Variants in LPAR1 observed in about 807,000 individuals in gnomAD.
LPAR1 encodes lysophosphatidic acid receptor 1, also known as LPA receptor 1.
In LPAR1, 5 loss-of-function variants were observed where a neutral mutation model predicts 23.8. That is an observed-to-expected ratio of 0.21 (90% CI 0.11 to 0.44). LPAR1 has a LOEUF of 0.44. Ranked by LOEUF, LPAR1 falls within the 20% of genes least tolerant of loss-of-function variation. LPAR1 has a pLI of 0.99. For synonymous variants in LPAR1, 160 were observed against 164.7 expected, an observed-to-expected ratio of 0.97 and a Z score of 0.22; for missense variants, 311 against 482.8, an observed-to-expected ratio of 0.64 and a Z score of 3.33.
intron 3 of LPAR1, among the ~76,000 whole-genome samples, chr9:110,972,790 T>C (rs1053754315): frequency 1.3e-5 from 2 of 151,878 alleles, no homozygotes; most frequent in Non-Finnish European, 2.9e-5. Flanking sequence ...CTACTAAAAA[T>C]ACAAAAATTA....
At chr9:111,031,470 G>A (rs559906978) in intron 2 of LPAR1, among the ~76,000 whole-genome samples, 2 of 151,512 alleles carry the variant, frequency 1.3e-5, no homozygotes, top group South Asian at 4.2e-4. Context: ...AAATAGCCAG[G>A]CATAGCGGCA....
Position 110,971,074 on chromosome 9 carries a change from G to A in LPAR1, c.45+999C>T, listed in dbSNP as rs982068393. ...CGCTTGAACCCAGGAGGTGGAGATT[G>A]CAGTGAACCAAGATCATGCCACTAC... On this transcript the variant is annotated intron_variant, in intron 4 of 5. Transcript: ENST00000683809. Among the ~76,000 whole-genome samples, 70 of 152,294 alleles carry A rather than the reference G, an allele frequency of 4.6e-4. 1 individual carries two copies. Among genetic ancestry groups the A allele is most frequent in the African/African-American group, 1.6e-3 (65 of 41,576 alleles).
intron 5 of LPAR1, among the ~76,000 whole-genome samples, chr9:110,913,207 A>G (rs868852746): frequency 2.6e-5 from 4 of 152,196 alleles, no homozygotes; most frequent in Non-Finnish European, 4.4e-5. Context: ...CTAGCTATGT[A>G]TCTACGTAGA....
chr9:110,977,303 T>C (rs983329865), intron 2 of LPAR1, among the ~76,000 whole-genome samples: 1 of 152,162 alleles, frequency 6.6e-6, no homozygotes, highest in Non-Finnish European at 1.5e-5. Flanking sequence ...AAGTAACCTC[T>C]GGCTGCATTT....
At chr9:110,961,850 C>T (rs899269120) in intron 4 of LPAR1, among the ~76,000 whole-genome samples, 1 of 152,014 alleles carries the variant, frequency 6.6e-6, no homozygotes, top group Non-Finnish European at 1.5e-5. Context: ...AACCCACCCC[C>T]GTGATTCAAT....
intron 2 of LPAR1, among the ~76,000 whole-genome samples, chr9:111,031,481 C>A (rs1249173750): frequency 6.6e-6 from 1 of 151,256 alleles, no homozygotes; most frequent in Non-Finnish European, 1.5e-5. Flanking sequence ...CATAGCGGCA[C>A]ACACCTGCGG....
At chr9:110,930,863 C>T (rs894116586) in intron 5 of LPAR1, among the ~76,000 whole-genome samples, 13 of 151,770 alleles carry the variant, frequency 8.6e-5, no homozygotes, top group Non-Finnish European at 1.5e-4. Flanking sequence ...TGCGGTGAAC[C>T]GAGATCACGC....
At chr9:110,936,170 C>G (rs2094694973) in intron 5 of LPAR1, among the ~76,000 whole-genome samples, 1 of 152,190 alleles carries the variant, frequency 6.6e-6, no homozygotes, top group Non-Finnish European at 1.5e-5. Context: ...CTTTTTTAGT[C>G]TCCTCTACTA....
chr9:110,976,490 G>A (rs2096558315), intron 2 of LPAR1, among the ~76,000 whole-genome samples: 1 of 152,146 alleles, frequency 6.6e-6, no homozygotes, highest in Non-Finnish European at 1.5e-5. Context: ...GGGCAACAGA[G>A]TGAGACTAAG....
intron 5 of LPAR1, among the ~76,000 whole-genome samples, chr9:110,927,114 T>C (rs1373849787): frequency 6.6e-6 from 1 of 152,218 alleles, no homozygotes. Flanking sequence ...AAAGAAGTTG[T>C]CGTAAAGGTT....
intron 2 of LPAR1, among the ~76,000 whole-genome samples, chr9:111,033,217 C>T (rs2097834262): frequency 6.6e-6 from 1 of 152,118 alleles, no homozygotes; most frequent in Non-Finnish European, 1.5e-5. Context: ...CAGGGACATG[C>T]AAGTATTAAG....
chr9:110,930,660 G>A (rs2094349073), intron 5 of LPAR1, among the ~76,000 whole-genome samples: 1 of 151,576 alleles, frequency 6.6e-6, no homozygotes. Flanking sequence ...GGGCTTGGTA[G>A]CTCCCAGCAC....
chr9:110,904,822 G>A (rs1003652858), intron 5 of LPAR1, among the ~76,000 whole-genome samples: 2 of 152,160 alleles, frequency 1.3e-5, no homozygotes, highest in Non-Finnish European at 1.5e-5. Context: ...CATCCATCCC[G>A]TGTTATCCCT....
At chr9:110,903,675 A>G (rs906141633) in intron 5 of LPAR1, among the ~76,000 whole-genome samples, 1 of 152,250 alleles carries the variant, frequency 6.6e-6, no homozygotes, top group Middle Eastern at 3.4e-3. Flanking sequence ...AAAATGTTCA[A>G]GATTCACATC....
intron 4 of LPAR1, among the ~76,000 whole-genome samples, chr9:110,945,217 G>T (rs998997547): frequency 2.0e-5 from 3 of 152,178 alleles, no homozygotes; most frequent in Admixed American, 2.0e-4. Context: ...TTCTTCAGGA[G>T]CCGACAGACT....
chr9:110,962,571 C>T (rs1028761824), intron 4 of LPAR1, among the ~76,000 whole-genome samples: 2 of 152,194 alleles, frequency 1.3e-5, no homozygotes, highest in Non-Finnish European at 2.9e-5. Context: ...ATTGGAATTC[C>T]TGCTACTAAA....
intron 5 of LPAR1, among the ~76,000 whole-genome samples, chr9:110,895,243 G>C (rs1226186755): frequency 6.6e-6 from 1 of 152,200 alleles, no homozygotes; most frequent in Non-Finnish European, 1.5e-5. Flanking sequence ...TCTGGCTTTA[G>C]AGAGCCTGGG....
At chr9:110,979,940 T>C (rs1330638930) in intron 2 of LPAR1, among the ~76,000 whole-genome samples, 1 of 152,084 alleles carries the variant, frequency 6.6e-6, no homozygotes, top group Non-Finnish European at 1.5e-5. Flanking sequence ...CATTTAGGAC[T>C]GAATGAGTAA....
At chr9:110,906,405 G>A (rs2091230048) in intron 5 of LPAR1, among the ~76,000 whole-genome samples, 1 of 152,076 alleles carries the variant, frequency 6.6e-6, no homozygotes. Flanking sequence ...TGTGTTCTTT[G>A]GGTGAAAACT....
Sources: gnomAD v4.1 joint callset for allele counts (sites outside exome capture counted in the v4.1 genomes callset) on GRCh38, gnomAD v4.1.1 for gene constraint, MANE v1.5 for transcripts, NCBI Gene and HGNC (gene_info 2026-07-23, HGNC 2026-07-21) for gene names.